The following TLE1 variants were observed in gnomAD, a reference collection of about 807,000 sequenced individuals.
The protein encoded by TLE1 is transducin-like enhancer protein 1.
Under a neutral mutation model 89.8 loss-of-function variants are expected in TLE1, and 21 were observed. The observed-to-expected ratio is 0.23, with a 90% CI of 0.17 to 0.34. The LOEUF (loss-of-function observed/expected upper bound fraction) is 0.34, where lower values mean the gene tolerates loss of function less well. Among genes scored for constraint, TLE1 ranks in the 10% least tolerant of loss-of-function variants. TLE1 has a pLI of 1.00. For synonymous variants in TLE1, 447 were observed against 407.6 expected, an observed-to-expected ratio of 1.10 and a Z score of -1.16; for missense variants, 795 against 1,031.2, an observed-to-expected ratio of 0.77 and a Z score of 3.14.
chr9:81,668,437 T>A (rs1344959832), intron 4 of TLE1, among the ~76,000 whole-genome samples: 2 of 152,166 alleles, frequency 1.3e-5, no homozygotes, highest in African/African-American at 2.4e-5. Context: ...TGCCATGGTG[T>A]ATGGATTCAC....
At chr9:81,633,217 TCA>T in intron 8 of TLE1, 129 bp downstream of exon 8, 1 of 1,437,036 alleles carries the variant, frequency 7.0e-7, no homozygotes, top group Admixed American at 2.2e-5. Flanking sequence ...AAAAGCCAGG[TCA>T]CTGAGAGAGA....
At chr9:81,670,781 A>C (rs1832120144) in intron 4 of TLE1, among the ~76,000 whole-genome samples, 1 of 152,106 alleles carries the variant, frequency 6.6e-6, no homozygotes, top group Non-Finnish European at 1.5e-5. Flanking sequence ...TAAAATAATA[A>C]CCCAAACAAT....
intron 19 of TLE1, 31 bp downstream of exon 19, chr9:81,584,416 AC>A (rs1828040349): frequency 6.2e-7 from 1 of 1,613,298 alleles, no homozygotes; most frequent in South Asian, 1.1e-5. Flanking sequence ...CTGTGGTCAA[AC>A]TGTGGATCTA....
intron 14 of TLE1, among the ~76,000 whole-genome samples, chr9:81,601,123 A>G (rs1198834238): frequency 6.6e-6 from 1 of 152,208 alleles, no homozygotes; most frequent in African/African-American, 2.4e-5. Context: ...ACCCCATCAA[A>G]TAAAAAGAGG....
chr9:81,649,511 C>G (rs10867792), intron 6 of TLE1, among the ~76,000 whole-genome samples: 31,986 of 152,132 alleles, frequency 0.21, 4,073 homozygotes, highest in Non-Finnish European at 0.29. Context: ...GAGAATGTTT[C>G]GGCTCATTTG....
At chr9:81,601,935 G>A (rs1280943249) in intron 14 of TLE1, among the ~76,000 whole-genome samples, 3 of 152,142 alleles carry the variant, frequency 2.0e-5, no homozygotes, top group Admixed American at 2.0e-4. Flanking sequence ...CAAGACTTCG[G>A]GAACTTCCAT....
rs564560247 is a variant in TLE1 at position 81,683,133 on chromosome 9, G to C, written c.234+2543C>G. Among the ~76,000 whole-genome samples, 65 of 152,170 alleles carry C rather than the reference G, an allele frequency of 4.3e-4. 1 individual carries two copies. The South Asian group carries it at 0.013, about 30-fold the overall frequency. ...TAGAACTCACTCCGACAAACCCGTT[G>C]AAAGGTGGGAAGGGAGAGCGGTCGT... On this transcript the variant is annotated intron_variant, in intron 4 of 19. Transcript: ENST00000376499.
chr9:81,601,667 G>A (rs1265358146), intron 14 of TLE1, among the ~76,000 whole-genome samples: 1 of 151,276 alleles, frequency 6.6e-6, no homozygotes, highest in African/African-American at 2.4e-5. Context: ...ACAGAGCTCA[G>A]GGGAATAAAT....
intron 15 of TLE1, among the ~76,000 whole-genome samples, chr9:81,592,234 C>G (rs559176352): frequency 6.6e-6 from 1 of 152,080 alleles, no homozygotes; most frequent in Non-Finnish European, 1.5e-5. Flanking sequence ...GGTGGGCGCC[C>G]GTAGTCCCAG....
At chr9:81,655,522 C>G (rs1830054195) in intron 4 of TLE1, among the ~76,000 whole-genome samples, 1 of 152,044 alleles carries the variant, frequency 6.6e-6, no homozygotes, top group Non-Finnish European at 1.5e-5. Flanking sequence ...CAACACCCTA[C>G]AGCAATGCAA....
intron 4 of TLE1, among the ~76,000 whole-genome samples, chr9:81,657,782 CTT>C (rs1830314914): frequency 6.6e-6 from 1 of 151,812 alleles, no homozygotes; most frequent in South Asian, 2.1e-4. Flanking sequence ...TACCCATACA[CTT>C]TAAATCATCT....
chr9:81,586,735 T>G (rs1330725706), intron 17 of TLE1, among the ~76,000 whole-genome samples: 1 of 152,200 alleles, frequency 6.6e-6, no homozygotes, highest in Non-Finnish European at 1.5e-5. Flanking sequence ...CTTTCATAAA[T>G]GCTTGGACAT....
chr9:81,616,505 G>A, intron 10 of TLE1, 141 bp downstream of exon 10: 1 of 765,108 alleles, frequency 1.3e-6, no homozygotes, highest in Non-Finnish European at 2.2e-6. Flanking sequence ...CCATACATGA[G>A]CAACCATTAA....
At chr9:81,603,203 T>C (rs1831174897) in intron 14 of TLE1, among the ~76,000 whole-genome samples, 1 of 152,182 alleles carries the variant, frequency 6.6e-6, no homozygotes, top group South Asian at 2.1e-4. Context: ...CTATTCTCAA[T>C]GGGATCAGTC....
intron 18 of TLE1, among the ~76,000 whole-genome samples, chr9:81,584,871 G>A (rs1279328909): frequency 6.6e-6 from 1 of 151,952 alleles, no homozygotes; most frequent in Non-Finnish European, 1.5e-5. Context: ...ATCTTTAATG[G>A]GAATTAAAGG....
chr9:81,605,139 G>T (rs536652654), intron 14 of TLE1, among the ~76,000 whole-genome samples: 1 of 152,220 alleles, frequency 6.6e-6, no homozygotes, highest in East Asian at 1.9e-4. Flanking sequence ...CATTCTTTCC[G>T]TGGGTATTTT....
rs201391449 is a variant in TLE1, at chr9:81,610,225, C to T, written c.1326G>A (p.Gly442=). 8 of 1,613,376 alleles carry T rather than the reference C, an allele frequency of 5.0e-6. No individual in the cohort carries two copies. The East Asian group carries it at 6.7e-5, about 13-fold the overall frequency. ...AAGGTCTTTGAGGTACTTACGGTTT[C>T]CCCCCAGGGATTCCTGCCAGGTTTG... ...IPPNLAGIPG[G]KPAYSFHVTA... The change falls in exon 14 of 20, where the codon GGG becomes GGA. Residue 442 remains glycine (G), a synonymous_variant. Coordinates refer to ENST00000376499, the MANE Select transcript of TLE1 (RefSeq NM_005077.5).
chr9:81,648,604 A>G (rs1829163388), intron 6 of TLE1, among the ~76,000 whole-genome samples: 1 of 152,212 alleles, frequency 6.6e-6, no homozygotes. Context: ...TCCCAATCCC[A>G]ACTGAAATCA....
At chr9:81,677,421 C>T (rs1248423610) in intron 4 of TLE1, among the ~76,000 whole-genome samples, 27 of 151,352 alleles carry the variant, frequency 1.8e-4, no homozygotes, top group Admixed American at 1.7e-3. Context: ...AAAAATTAGC[C>T]GGGCATCGTG....
Sources: gnomAD v4.1 joint callset for allele counts (sites outside exome capture counted in the v4.1 genomes callset) on GRCh38, gnomAD v4.1.1 for gene constraint, MANE v1.5 for transcripts, NCBI Gene and HGNC (gene_info 2026-07-23, HGNC 2026-07-21) for gene names.